The following STRADA variants were observed in gnomAD, a reference collection of about 807,000 sequenced individuals.
The protein encoded by STRADA is STE20 related adaptor alpha, also known as STE20-related kinase adapter protein alpha.
A neutral mutation model predicts 55.0 loss-of-function variants in STRADA; 26 were observed. The ratio of observed to expected loss-of-function variants is 0.47; its 90% confidence interval spans 0.35 to 0.66. STRADA has a LOEUF of 0.66. Ranked by LOEUF, STRADA falls within the 30% of genes least tolerant of loss-of-function variation. STRADA has a pLI of 0.01. For missense variants in STRADA, 443 were observed against 549.7 expected (o/e 0.81, Z 1.94); for synonymous variants, 197 against 210.9 (o/e 0.93, Z 0.57).
intron 10 of STRADA, 73 bp downstream of exon 10, chr17:63,706,562 G>T: frequency 1.9e-6 from 2 of 1,058,840 alleles, no homozygotes; most frequent in Non-Finnish European, 2.9e-6. Context: ...TGTGTCCTGA[G>T]TGTGAGAGCT....
At chr17:63,733,856 G>A (rs1372574551) in intron 1 of STRADA, among the ~76,000 whole-genome samples, 1 of 152,190 alleles carries the variant, frequency 6.6e-6, no homozygotes, top group Non-Finnish European at 1.5e-5. Context: ...TTTCACACAT[G>A]CTACCACAAC....
chr17:63,740,151 C>CACACATATATATATATAT (rs2038826919), intron 1 of STRADA, among the ~76,000 whole-genome samples: 1 of 79,684 alleles, frequency 1.3e-5, no homozygotes, highest in African/African-American at 5.5e-5. Context: ...TATATATACA[C>CACACATATATATATATAT]ACACACACAC....
intron 6 of STRADA, chr17:63,712,354 T>C (rs1183137119): frequency 1.3e-5 from 2 of 152,202 alleles, no homozygotes; most frequent in Admixed American, 6.5e-5. Flanking sequence ...ATTACAGGCA[T>C]GAGCTACCAT....
chr17:63,728,493 A>G (rs2037802643), intron 1 of STRADA, 80 bp from the exon 2 acceptor site: 1 of 730,726 alleles, frequency 1.4e-6, no homozygotes, highest in African/African-American at 1.8e-5. Context: ...AAAACTTATT[A>G]CAGGTCTACC....
intron 1 of STRADA, among the ~76,000 whole-genome samples, chr17:63,728,981 T>G (rs1293459164): frequency 1.3e-5 from 2 of 152,122 alleles, no homozygotes; most frequent in Admixed American, 1.3e-4. Flanking sequence ...TTCTCTTGAC[T>G]TAATCCCCCA....
At chr17:63,710,874 G>T (rs775317387) in intron 6 of STRADA, 38 bp from the exon 7 acceptor site, 3 of 1,582,188 alleles carry the variant, frequency 1.9e-6, no homozygotes, top group East Asian at 2.2e-5. Flanking sequence ...GAACCAAATG[G>T]CACTGAAGGA....
chr17:63,710,510 G>T lies in STRADA; in HGVS notation c.562C>A (p.His188Asn). ...ACGCACCTGTGTACATATCCCATGT[G>T]GTGGATGTAGTCGAGGGCCTTCAGC... ...GVLKALDYIHHMGYVHRSVKA... is the reference protein window; with the variant it reads ...GVLKALDYIHNMGYVHRSVKA... The change falls in exon 8 of 13, where the codon CAC (histidine) becomes AAC (asparagine). Residue 188 changes from histidine to asparagine, a missense_variant. Transcript: ENST00000336174. 6.2e-7 allele frequency: 1 copy of T among 1,613,812 alleles called. No individual in the cohort carries two copies. Among genetic ancestry groups the T allele is most frequent in the African/African-American group, 1.3e-5 (1 of 75,024 alleles).
intron 1 of STRADA, among the ~76,000 whole-genome samples, chr17:63,740,122 A>C: frequency 1.3e-5 from 1 of 79,160 alleles, no homozygotes; most frequent in Non-Finnish European, 2.3e-5. Context: ...ACATACATAT[A>C]TATATACACA....
intron 4 of STRADA, chr17:63,717,079 T>C (rs1324549597): frequency 6.6e-6 from 1 of 152,220 alleles, no homozygotes. Context: ...TGCTACCTGG[T>C]GTATAAAAGA....
In STRADA at chr17:63,739,767, T is replaced by C. The variant is rs187768489; in HGVS notation, c.-45+1974A>G. On this transcript the variant is annotated intron_variant, in intron 1 of 12. Transcript: ENST00000336174. The stretch of plus-strand genomic sequence containing the variant: ...TATTGATACATTATATATTTATGTA[T>C]ATATGTACATATATACATATAATGT... Among the ~76,000 whole-genome samples, 110 of 116,702 alleles carry C rather than the reference T, an allele frequency of 9.4e-4. No homozygotes were observed. The Middle Eastern group carries it at 0.017, about 18-fold the overall frequency. 76.6% of individuals were successfully genotyped at this position (116,702 alleles called of 152,430 possible). A position where few individuals can be genotyped will look rare whatever the true frequency, so the allele number is the denominator to read the frequency against.
Position 63,714,123 on chromosome 17 carries a change from G to T in STRADA, c.124-15C>A, listed in dbSNP as rs1420981311. 2.7e-6 allele frequency: 4 copies of T among 1,469,140 alleles called. No homozygotes were observed. The African/African-American group carries it at 5.6e-5, about 21-fold the overall frequency. The allele number at this position is 1,469,140 out of a possible 1,614,324, so 91.0% of individuals were successfully genotyped here. On this transcript the variant is annotated splice_polypyrimidine_tract_variant and intron_variant, in intron 4 of 12. Coordinates refer to ENST00000336174, the MANE Select transcript of STRADA (RefSeq NM_001003787.4). ...GCATCATTGGTCTAAAAAAGAAAAA[G>T]AAAAATAGGTTAGTAGAGAAAACTG...
chr17:63,712,757 T>G (rs567468062), intron 6 of STRADA, among the ~76,000 whole-genome samples: 28 of 151,686 alleles, frequency 1.8e-4, no homozygotes, highest in African/African-American at 6.3e-4. Context: ...TCACAGCACT[T>G]TGGGAGACCA....
chr17:63,724,642 G>A (rs1315107310), intron 3 of STRADA, among the ~76,000 whole-genome samples: 4 of 151,970 alleles, frequency 2.6e-5, no homozygotes, highest in African/African-American at 7.3e-5. Flanking sequence ...TTGAACTCCC[G>A]ACCTTGTGAT....
In STRADA at chr17:63,710,849, A is replaced by G; in HGVS notation, c.349-13T>C. 1 of 1,613,344 alleles carries G rather than the reference A, an allele frequency of 6.2e-7. No individual in the cohort carries two copies. Among genetic ancestry groups the G allele is most frequent in the Non-Finnish European group, 8.5e-7 (1 of 1,179,328 alleles). ...CATGCAGCTCGCCCTGGAAGCAATG[A>G]TGAAGCTGAAGTCAGAACCAAATGG... On this transcript the variant is annotated splice_polypyrimidine_tract_variant and intron_variant, in intron 6 of 12. Coordinates refer to ENST00000336174, the MANE Select transcript of STRADA (RefSeq NM_001003787.4).
intron 2 of STRADA, 68 bp downstream of exon 2, chr17:63,728,266 A>G: frequency 6.5e-7 from 1 of 1,540,048 alleles, no homozygotes; most frequent in Non-Finnish European, 8.9e-7. Context: ...CACCTACAAC[A>G]TCTGCCAAAA....
At chr17:63,740,113 C>T (rs868462117) in intron 1 of STRADA, among the ~76,000 whole-genome samples, 10,965 of 46,410 alleles carry the variant, frequency 0.24, 2,038 homozygotes, top group South Asian at 0.37. Flanking sequence ...TATATACATA[C>T]ATACATATAT....
intron 2 of STRADA, chr17:63,728,015 G>GA (rs2037770171): frequency 4.3e-6 from 1 of 232,716 alleles, no homozygotes. Flanking sequence ...CTCACGGGGG[G>GA]TCATAAGCAG....
At chr17:63,707,692 T>C (rs1006137330) in intron 8 of STRADA, among the ~76,000 whole-genome samples, 3 of 152,000 alleles carry the variant, frequency 2.0e-5, no homozygotes, top group Admixed American at 2.0e-4. Flanking sequence ...ACCAAGTAGC[T>C]GGGATTACAG....
At chr17:63,736,782 T>C (rs2038457104) in intron 1 of STRADA, among the ~76,000 whole-genome samples, 1 of 150,452 alleles carries the variant, frequency 6.6e-6, no homozygotes, top group Admixed American at 6.7e-5. Context: ...ATACAGATTA[T>C]AAAGGATGAA....
Sources: allele counts gnomAD v4.1 joint callset (sites outside exome capture counted in the v4.1 genomes callset), GRCh38; gene constraint gnomAD v4.1.1; transcripts MANE v1.5; gene names NCBI Gene and HGNC (gene_info 2026-07-23, HGNC 2026-07-21).